The following CPED1 variants were observed in gnomAD, a reference collection of about 807,000 sequenced individuals.
The protein encoded by CPED1 is cadherin-like and PC-esterase domain-containing protein 1.
In CPED1, 114 loss-of-function variants were observed where a neutral mutation model predicts 128.2. The ratio of observed to expected loss-of-function variants is 0.89; its 90% CI spans 0.76 to 1.04. The LOEUF (loss-of-function observed/expected upper bound fraction) is 1.04, where lower values mean the gene tolerates loss of function less well. Ranked by LOEUF, CPED1 falls within the 50% of genes least tolerant of loss-of-function variation. CPED1 has a pLI of 0.00. For missense variants in CPED1, 1,211 were observed against 1,207.1 expected, an observed-to-expected ratio of 1.00 and a Z score of -0.05; for synonymous variants, 462 against 426.7, an observed-to-expected ratio of 1.08 and a Z score of -1.02.
intron 6 of CPED1, among the ~76,000 whole-genome samples, chr7:121,098,659 G>A (rs569613047): frequency 1.1e-4 from 17 of 150,376 alleles, no homozygotes; most frequent in Non-Finnish European, 1.5e-5. Context: ...CTGAGCCCTC[G>A]AAGTGGAGGC....
intron 21 of CPED1, 68 bp downstream of exon 21, chr7:121,267,370 C>G: frequency 1.2e-6 from 1 of 868,324 alleles, no homozygotes; most frequent in Non-Finnish European, 1.8e-6. Flanking sequence ...GGAAAAAGAC[C>G]CGTAAGGCAC....
At chr7:121,224,928 A>G (rs567630611) in intron 16 of CPED1, among the ~76,000 whole-genome samples, 18 of 150,954 alleles carry the variant, frequency 1.2e-4, no homozygotes, top group African/African-American at 4.4e-4. Flanking sequence ...TCTTTATCCA[A>G]TTTGCCCATT....
intron 16 of CPED1, among the ~76,000 whole-genome samples, chr7:121,189,799 A>ATATAT (rs58389973): frequency 0.083 from 2,563 of 30,960 alleles, 160 homozygotes; most frequent in Non-Finnish European, 0.1. Context: ...TATATATATA[A>ATATAT]AATTTGTATT....
Position 121,158,603 on chromosome 7 carries a change from AT to A in CPED1, c.2055+16467del, listed in dbSNP as rs1242298923. ...TTCTGGAGGAACAAATATTAAAAAAATTTTTATATTTCTCCAAGGTAATAGA... is the reference window on the plus strand; with the variant it reads ...TTCTGGAGGAACAAATATTAAAAAAATTTTATATTTCTCCAAGGTAATAGA... On this transcript the variant is annotated intron_variant, in intron 16 of 22. Transcript: ENST00000310396. Among the ~76,000 whole-genome samples, 4 of 151,902 alleles carry A rather than the reference AT, an allele frequency of 2.6e-5. No homozygotes were observed. In the South Asian group the frequency reaches 6.2e-4, roughly 24 times the overall value.
rs765727119 is a variant in CPED1, at chr7:121,284,292, G to A, written c.2869-11148G>A. On this transcript the variant is annotated intron_variant, in intron 22 of 22. Transcript: ENST00000310396. The stretch of plus-strand genomic sequence containing the variant: ...TCCCACGAGGTCCCTCTCATAACAC[G>A]TGTGGATTATGGGAACTAAAACTCA... Among the ~76,000 whole-genome samples, 6 of 152,092 alleles carry A rather than the reference G, an allele frequency of 3.9e-5. 1 individual carries two copies. The highest frequency in any genetic ancestry group is 1.3e-4 in the Admixed American group (2 of 15,256).
intron 22 of CPED1, among the ~76,000 whole-genome samples, chr7:121,292,692 T>C (rs961340280): frequency 2.6e-5 from 4 of 152,120 alleles, no homozygotes; most frequent in Admixed American, 2.6e-4. Context: ...GACCTTCGGA[T>C]GGGGTTTTTA....
At chr7:121,128,355 T>G in intron 10 of CPED1, 27 bp from the exon 11 acceptor site, 1 of 1,275,048 alleles carries the variant, frequency 7.8e-7, no homozygotes, top group Non-Finnish European at 1.1e-6. Flanking sequence ...TAACAATTGC[T>G]TAAGTTCTTT....
intron 16 of CPED1, among the ~76,000 whole-genome samples, chr7:121,189,903 A>T (rs1797097512): frequency 6.6e-6 from 1 of 150,796 alleles, no homozygotes; most frequent in South Asian, 2.1e-4. Context: ...ACTTGCAACA[A>T]GTATTTCCTG....
chr7:121,116,725 C>A (rs561359936), intron 7 of CPED1, among the ~76,000 whole-genome samples: 1 of 152,168 alleles, frequency 6.6e-6, no homozygotes, highest in South Asian at 2.1e-4. Context: ...AGATTGGCTT[C>A]AATACCCATG....
intron 16 of CPED1, among the ~76,000 whole-genome samples, chr7:121,228,388 G>C (rs569645647): frequency 6.6e-6 from 1 of 151,864 alleles, no homozygotes; most frequent in African/African-American, 2.4e-5. Flanking sequence ...ATGAAAAAAT[G>C]CTCGATATCA....
At position 121,068,173 on chromosome 7, in the gene CPED1, A is replaced by G. The variant is rs192525777; in HGVS notation, c.616+3860A>G. Among the ~76,000 whole-genome samples, 381 of 152,256 alleles carry G rather than the reference A, an allele frequency of 2.5e-3. 1 individual carries two copies. Among genetic ancestry groups the G allele is most frequent in the African/African-American group, 8.6e-3 (358 of 41,548 alleles). ...GTTGCCATTGCTTTTGGTGTTTTAG[A>G]CAAGAAGTCCTTGCCCATGCCTATG... On this transcript the variant is annotated intron_variant, in intron 5 of 22. Transcript: ENST00000310396.
intron 7 of CPED1, among the ~76,000 whole-genome samples, chr7:121,111,819 A>T (rs148400640): frequency 6.6e-6 from 1 of 152,236 alleles, no homozygotes; most frequent in African/African-American, 2.4e-5. Context: ...ACAAAATTTA[A>T]ACAATGATAA....
intron 18 of CPED1, among the ~76,000 whole-genome samples, chr7:121,244,873 C>T (rs1223684915): frequency 6.6e-6 from 1 of 152,126 alleles, no homozygotes; most frequent in Non-Finnish European, 1.5e-5. Flanking sequence ...GCTGATTTTT[C>T]CTTTAGTGAG....
At chr7:121,174,856 A>C (rs1796739718) in intron 16 of CPED1, among the ~76,000 whole-genome samples, 1 of 152,040 alleles carries the variant, frequency 6.6e-6, no homozygotes, top group Non-Finnish European at 1.5e-5. Flanking sequence ...TGATCCATGA[A>C]CAGGATATGT....
chr7:121,114,989 A>G (rs774381339), intron 7 of CPED1, among the ~76,000 whole-genome samples: 1 of 152,192 alleles, frequency 6.6e-6, no homozygotes, highest in Non-Finnish European at 1.5e-5. Context: ...GCTGACTTGG[A>G]GTGTTCAAGA....
chr7:121,238,577 G>C (rs1798312935), intron 17 of CPED1, among the ~76,000 whole-genome samples: 1 of 151,950 alleles, frequency 6.6e-6, no homozygotes, highest in South Asian at 2.1e-4. Context: ...GTATTTACAT[G>C]TTTCTCACTT....
At chr7:121,117,077 T>TTATATATATATATATATATATA (rs34007948) in intron 7 of CPED1, among the ~76,000 whole-genome samples, 2 of 128,774 alleles carry the variant, frequency 1.6e-5, no homozygotes, top group South Asian at 2.4e-4. Context: ...TATATACACA[T>TTATATATATATATATATATATA]TATATATATA....
At chr7:121,111,839 TGAATC>T (rs1278370651) in intron 7 of CPED1, among the ~76,000 whole-genome samples, 2 of 152,144 alleles carry the variant, frequency 1.3e-5, no homozygotes, top group African/African-American at 2.4e-5. Context: ...AAAGGCAAAT[TGAATC>T]AGTCAGCTTT....
chr7:121,156,031 G>C (rs1796276124), intron 16 of CPED1, among the ~76,000 whole-genome samples: 1 of 152,258 alleles, frequency 6.6e-6, no homozygotes, highest in East Asian at 1.9e-4. Flanking sequence ...TTTAAAATGA[G>C]TAAAAGATCA....
Sources: gnomAD v4.1 joint callset for allele counts (sites outside exome capture counted in the v4.1 genomes callset) on GRCh38, gnomAD v4.1.1 for gene constraint, MANE v1.5 for transcripts, NCBI Gene and HGNC (gene_info 2026-07-23, HGNC 2026-07-21) for gene names.